The following ZNF474 variants were observed in gnomAD, a reference collection of about 807,000 sequenced individuals.
ZNF474 encodes the protein 4933409D10Rik.
For synonymous variants in ZNF474, 192 were observed against 162.2 expected, an observed-to-expected ratio of 1.18 and a Z score of -1.39; for missense variants, 511 against 433.8, an observed-to-expected ratio of 1.18 and a Z score of -1.58.
intron 1 of ZNF474, among the ~76,000 whole-genome samples, chr5:122,131,208 T>C (rs571241601): frequency 2.6e-5 from 4 of 152,268 alleles, no homozygotes; most frequent in East Asian, 1.9e-4. Flanking sequence ...GTTTGTGGGA[T>C]TGTAATTTAA....
At chr5:122,146,868 A>G (rs1756003889) in intron 1 of ZNF474, among the ~76,000 whole-genome samples, 1 of 152,210 alleles carries the variant, frequency 6.6e-6, no homozygotes, top group Admixed American at 6.5e-5. Flanking sequence ...AAGCATCAGT[A>G]AGAAGGAAAG....
At chr5:122,133,204 G>T (rs527376169) in intron 1 of ZNF474, among the ~76,000 whole-genome samples, 2 of 152,246 alleles carry the variant, frequency 1.3e-5, no homozygotes, top group African/African-American at 2.4e-5. Flanking sequence ...AATTTATTGG[G>T]CATCTACTAT....
intron 1 of ZNF474, among the ~76,000 whole-genome samples, chr5:122,137,037 C>T (rs543283526): frequency 5.3e-5 from 8 of 152,190 alleles, no homozygotes; most frequent in African/African-American, 1.4e-4. Flanking sequence ...CAGACAAAAA[C>T]ATAGGTGCTG....
At chr5:122,151,554 A>C (rs903900638) in intron 1 of ZNF474, among the ~76,000 whole-genome samples, 1 of 152,162 alleles carries the variant, frequency 6.6e-6, no homozygotes, top group South Asian at 2.1e-4. Flanking sequence ...ATACAGTGAT[A>C]GTGCAATTGA....
chr5:122,135,227 C>T (rs141200793), intron 1 of ZNF474, among the ~76,000 whole-genome samples: 94 of 152,268 alleles, frequency 6.2e-4, no homozygotes, highest in African/African-American at 2.2e-3. Context: ...CCCAGCTACT[C>T]AGGAGGCTGA....
At chr5:122,140,415 T>C (rs1459696579) in intron 1 of ZNF474, among the ~76,000 whole-genome samples, 1 of 152,190 alleles carries the variant, frequency 6.6e-6, no homozygotes, top group Non-Finnish European at 1.5e-5. Context: ...TGGGCAAGTG[T>C]ACAAGGGATC....
chr5:122,135,164 T>C (rs938333163), intron 1 of ZNF474, among the ~76,000 whole-genome samples: 3 of 152,140 alleles, frequency 2.0e-5, no homozygotes, highest in Non-Finnish European at 1.5e-5. Flanking sequence ...AAAACCAAAT[T>C]ATACATTTTT....
In ZNF474 at chr5:122,148,549, T is replaced by A. The variant is rs561066214; in HGVS notation, c.-212-3230T>A. Among the ~76,000 whole-genome samples the A allele has an allele frequency of 2.6e-5, 4 of 152,244 alleles. No individual in the cohort carries two copies. The East Asian group carries it at 7.7e-4, about 29-fold the overall frequency. On this transcript the variant is annotated intron_variant, in intron 1 of 1. Transcript: ENST00000296600. ...CTTCACTTTTACCCTGTGCCCATGA[T>A]CAAGACAGACAAAACACATCATTCA...
chr5:122,144,385 G>C (rs1253070838), intron 1 of ZNF474, among the ~76,000 whole-genome samples: 2 of 152,150 alleles, frequency 1.3e-5, no homozygotes, highest in Non-Finnish European at 2.9e-5. Context: ...AGAAGCATTG[G>C]AAGAGTAAAG....
intron 1 of ZNF474, among the ~76,000 whole-genome samples, chr5:122,148,235 A>T (rs1290620329): frequency 6.6e-6 from 1 of 152,256 alleles, no homozygotes; most frequent in Non-Finnish European, 1.5e-5. Flanking sequence ...GCATTTCTCC[A>T]TAAGACACCT....
chr5:122,131,097 C>G (rs1431247330), intron 1 of ZNF474, among the ~76,000 whole-genome samples: 1 of 151,954 alleles, frequency 6.6e-6, no homozygotes, highest in Non-Finnish European at 1.5e-5. Context: ...AAATAAAAAT[C>G]ACAAGGAGAT....
chr5:122,151,707 G>GTCTGTGTGTA (rs72138781), intron 1 of ZNF474, 72 bp from the exon 2 acceptor site: 2 of 185,260 alleles, frequency 1.1e-5, no homozygotes, highest in Non-Finnish European at 2.2e-5. Flanking sequence ...CAACCTAAAT[G>GTCTGTGTGTA]TGTGTGTGTG....
At chr5:122,137,474 A>C (rs898645520) in intron 1 of ZNF474, among the ~76,000 whole-genome samples, 95 of 147,566 alleles carry the variant, frequency 6.4e-4, no homozygotes, top group African/African-American at 2.3e-3. Context: ...AAAAAAAAAA[A>C]AAAGAGTAGT....
chr5:122,152,786 C>A lies in ZNF474; in HGVS notation c.796C>A (p.Pro266Thr). ...GCTCCACCAGCCACTCCCACAGAAG[C>A]CTCAGCCCCTTCCGAATGCACAGTC... ...VELHQPLPQK[P>T]QPLPNAQSSQ... is the part of the protein sequence containing the mutation. Residue 266 changes from proline to threonine, a missense_variant, in exon 2 of 2, where the codon CCT becomes ACT. By Grantham distance (38) the Pro-to-Thr change is conservative. Transcript: ENST00000296600. 3 of 1,614,162 alleles carry A rather than the reference C, an allele frequency of 1.9e-6. No individual in the cohort carries two copies. The highest frequency in any genetic ancestry group is 2.5e-6 in the Non-Finnish European group (3 of 1,180,034).
chr5:122,133,183 A>G (rs946221681), intron 1 of ZNF474, among the ~76,000 whole-genome samples: 4 of 152,216 alleles, frequency 2.6e-5, no homozygotes, highest in African/African-American at 9.6e-5. Context: ...TTATTTGTTA[A>G]TTTATTCAGT....
Position 122,152,162 on chromosome 5 carries a change from A to G in ZNF474, c.172A>G (p.Thr58Ala), listed in dbSNP as rs1756199716. ...VNPGENIKTD[T>A]QKKRPGTVIL... is the part of the protein sequence containing the mutation. The stretch of plus-strand genomic sequence containing the variant: ...TCCTGGTGAAAATATAAAGACAGAC[A>G]CTCAGAAAAAGAGACCTGGGACTGT... The change falls in exon 2 of 2, where the codon ACT (threonine) becomes GCT (alanine). Residue 58 changes from threonine (T) to alanine (A), a missense_variant. Thr to Ala is a moderately conservative substitution (Grantham distance 58, BLOSUM62 0). Transcript: ENST00000296600. The G allele has an allele frequency of 1.2e-6, 2 of 1,614,024 alleles. No individual in the cohort carries two copies. The highest frequency in any genetic ancestry group is 1.1e-5 in the South Asian group (1 of 91,086).
Position 122,152,548 on chromosome 5 carries a change from C to T in ZNF474, c.558C>T (p.Ser186=), listed in dbSNP as rs756437073. Reference sequence around the variant, plus strand: ...ATCATCTTCTTGTTCATCACAGAAGCTGCAAGCCAAAGGGTGAGGGTCCCA... The same window carrying T: ...ATCATCTTCTTGTTCATCACAGAAGTTGCAAGCCAAAGGGTGAGGGTCCCA... ...LPDHLLVHHR[S]CKPKGEGPRA... is the part of the protein sequence containing the mutation. Residue 186 remains serine, a synonymous_variant, in exon 2 of 2, where the codon AGC becomes AGT. Transcript: ENST00000296600. 24 of 1,614,198 alleles carry T rather than the reference C, an allele frequency of 1.5e-5. No homozygotes were observed. The South Asian group carries it at 1.9e-4, about 13-fold the overall frequency.
chr5:122,149,019 C>T (rs984474191), intron 1 of ZNF474, among the ~76,000 whole-genome samples: 3 of 152,086 alleles, frequency 2.0e-5, no homozygotes, highest in Non-Finnish European at 2.9e-5. Context: ...CATGAACCAC[C>T]GCGCCCGGCC....
At position 122,152,539 on chromosome 5, in the gene ZNF474, TC is replaced by T. The variant is rs778767982; in HGVS notation, c.550del (p.His184ThrfsTer135). 9.8e-5 allele frequency: 158 copies of T among 1,614,042 alleles called. No homozygotes were observed. Among genetic ancestry groups the T allele is most frequent in the Non-Finnish European group, 1.2e-4 (146 of 1,180,030 alleles). ...TFLPDHLLVH[H>X]RSCKPKGEGP... ...TCTTGCCAGATCATCTTCTTGTTCA[TC>T]ACAGAAGCTGCAAGCCAAAGGGTGA... On this transcript the variant is annotated frameshift_variant, in exon 2 of 2. Coordinates refer to ENST00000296600, the MANE Select transcript of ZNF474 (RefSeq NM_207317.3). LOFTEE classifies it low-confidence loss of function (END_TRUNC).
Sources: allele counts gnomAD v4.1 joint callset (sites outside exome capture counted in the v4.1 genomes callset), GRCh38; gene constraint gnomAD v4.1.1; transcripts MANE v1.5; gene names NCBI Gene and HGNC (gene_info 2026-07-23, HGNC 2026-07-21).